The following MARCHF10 variants were observed in gnomAD, a reference collection of about 807,000 sequenced individuals.
MARCHF10 encodes membrane associated ring-CH-type finger 10.
MARCHF10 carries 64 observed loss-of-function variants against 76.2 expected under a neutral mutation model. That is an observed-to-expected ratio of 0.84 (90% CI 0.69 to 1.03). The LOEUF (loss-of-function observed/expected upper bound fraction) is 1.03, where lower values mean the gene tolerates loss of function less well. Among genes scored for constraint, MARCHF10 ranks in the 50% least tolerant of loss-of-function variants. The pLI is 0.00. For missense variants in MARCHF10, 875 were observed against 958.0 expected, an observed-to-expected ratio of 0.91 and a Z score of 1.14; for synonymous variants, 340 against 357.5, an observed-to-expected ratio of 0.95 and a Z score of 0.55.
chr17:62,721,410 CACTT>C (rs2147691187), intron 8 of MARCHF10, among the ~76,000 whole-genome samples: 1 of 151,632 alleles, frequency 6.6e-6, no homozygotes, highest in South Asian at 2.1e-4. Flanking sequence ...GTGTATGTGA[CACTT>C]ACAGGATATG....
At chr17:62,704,123 C>T (rs2089424567) in intron 10 of MARCHF10, among the ~76,000 whole-genome samples, 1 of 151,552 alleles carries the variant, frequency 6.6e-6, no homozygotes, top group South Asian at 2.1e-4. Flanking sequence ...GGGGCCGCAG[C>T]AACCAGGCCG....
rs2091256591 is a variant in MARCHF10 at position 62,736,241 on chromosome 17, C to G, written c.1627G>C (p.Glu543Gln). 6.2e-7 allele frequency: 1 copy of G among 1,614,178 alleles called. No individual in the cohort carries two copies. Among genetic ancestry groups the G allele is most frequent in the African/African-American group, 1.3e-5 (1 of 75,042 alleles). The change falls in exon 6 of 11, where the codon GAA becomes CAA. Residue 543 changes from glutamate to glutamine, a missense_variant. Transcript: ENST00000311269. ...VNSAHEFAVR[E>Q]AEDTTLTSQP... ...CTTGTTAAAGTAGTATCTTCTGCTT[C>G]CCTGACAGCAAATTCGTGTGCACTG...
chr17:62,704,003 C>G (rs2089412205), intron 10 of MARCHF10, among the ~76,000 whole-genome samples: 2 of 152,132 alleles, frequency 1.3e-5, no homozygotes, highest in South Asian at 4.1e-4. Flanking sequence ...GCAGGTTTCC[C>G]CGGACCGGGA....
intron 5 of MARCHF10, among the ~76,000 whole-genome samples, chr17:62,739,135 CT>C (rs1396177451): frequency 7.2e-5 from 11 of 152,016 alleles, no homozygotes; most frequent in Non-Finnish European, 1.6e-4. Flanking sequence ...CCCATCTCTA[CT>C]AAAAATACAA....
In MARCHF10 at chr17:62,711,160, A is replaced by T; in HGVS notation, c.2328+71T>A. On this transcript the variant is annotated intron_variant, in intron 9 of 10. Transcript: ENST00000311269. This position sits in a 1 kb window ranked among gnomAD's most constrained non-coding sequence, Gnocchi z 4.4. ...GACCGTGAGGACCTCAACAGCTTGC[A>T]CATCTAATAAACAGCACTGCAGGGT... is the stretch of plus-strand genomic sequence containing the variant. 1 of 1,257,220 alleles carries T rather than the reference A, an allele frequency of 8.0e-7. No individual in the cohort carries two copies. Among genetic ancestry groups the T allele is most frequent in the Non-Finnish European group, 1.2e-6 (1 of 860,240 alleles). 77.9% of individuals were successfully genotyped at this position (1,257,220 alleles called of 1,614,324 possible).
intron 2 of MARCHF10, among the ~76,000 whole-genome samples, chr17:62,789,221 AT>A (rs1435327997): frequency 6.6e-6 from 1 of 152,170 alleles, no homozygotes; most frequent in African/African-American, 2.4e-5. Flanking sequence ...CACCTTGTGA[AT>A]TTCTCTTTCT....
chr17:62,801,603 C>T, intron 2 of MARCHF10, 43 bp downstream of exon 2: 3 of 1,505,776 alleles, frequency 2.0e-6, no homozygotes, highest in Non-Finnish European at 2.8e-6. Context: ...TCTCTAAATA[C>T]TGCAAGAGAA....
chr17:62,724,249 C>T (rs1680552900), intron 7 of MARCHF10, among the ~76,000 whole-genome samples: 1 of 147,836 alleles, frequency 6.8e-6, no homozygotes, highest in Non-Finnish European at 1.5e-5. Context: ...AAGAAACCTT[C>T]TGTTCTCTGC....
intron 5 of MARCHF10, among the ~76,000 whole-genome samples, chr17:62,741,264 C>A (rs2091494449): frequency 6.6e-6 from 1 of 152,192 alleles, no homozygotes; most frequent in South Asian, 2.1e-4. Context: ...GTTTGACTGT[C>A]AGCGATTACA....
At chr17:62,733,562 G>C (rs1465959367) in intron 6 of MARCHF10, among the ~76,000 whole-genome samples, 2 of 152,080 alleles carry the variant, frequency 1.3e-5, no homozygotes, top group Admixed American at 6.6e-5. Context: ...CAGCCCACCA[G>C]CCCACCAGCC....
At chr17:62,730,006 G>A (rs866611371) in intron 6 of MARCHF10, among the ~76,000 whole-genome samples, 1 of 152,102 alleles carries the variant, frequency 6.6e-6, no homozygotes, top group Non-Finnish European at 1.5e-5. Flanking sequence ...ACATGGTGAA[G>A]CCCCGTCTCT....
chr17:62,782,481 G>A (rs1206980933), intron 3 of MARCHF10, among the ~76,000 whole-genome samples: 1 of 151,076 alleles, frequency 6.6e-6, no homozygotes, highest in African/African-American at 2.4e-5. Context: ...CCAAGTAGCT[G>A]GGACTACAGG....
In MARCHF10 at chr17:62,771,447, G is replaced by A. The variant is rs539508926; in HGVS notation, c.211-11441C>T. 3.3e-5 allele frequency among the ~76,000 whole-genome samples: 5 copies of A among 152,210 alleles called. No individual in the cohort carries two copies. In the South Asian group the frequency reaches 1.0e-3, roughly 32 times the overall value. On this transcript the variant is annotated intron_variant, in intron 3 of 10. Transcript: ENST00000311269. ...ACAAAGCCAGTGGGGGTGAAATGCAGAGCTGTAAGGAGAGCTAGATCTCGC... is the reference window on the plus strand; with the variant it reads ...ACAAAGCCAGTGGGGGTGAAATGCAAAGCTGTAAGGAGAGCTAGATCTCGC...
At chr17:62,759,545 C>T (rs552495940) in intron 4 of MARCHF10, among the ~76,000 whole-genome samples, 64 of 152,168 alleles carry the variant, frequency 4.2e-4, no homozygotes, top group Non-Finnish European at 6.9e-4. Flanking sequence ...GTGGTGCCAT[C>T]TTGGCTTACT....
intron 3 of MARCHF10, among the ~76,000 whole-genome samples, chr17:62,782,492 C>T (rs1041288449): frequency 2.6e-5 from 4 of 151,744 alleles, no homozygotes; most frequent in African/African-American, 7.3e-5. Flanking sequence ...GGACTACAGG[C>T]GCATGCCACC....
intron 8 of MARCHF10, among the ~76,000 whole-genome samples, chr17:62,719,932 A>G (rs2090401506): frequency 6.6e-6 from 1 of 152,128 alleles, no homozygotes; most frequent in Non-Finnish European, 1.5e-5. Context: ...CTCAACTCAA[A>G]GATTCTTTCC....
intron 4 of MARCHF10, among the ~76,000 whole-genome samples, chr17:62,757,113 C>T (rs1417332620): frequency 5.3e-5 from 8 of 152,018 alleles, no homozygotes; most frequent in Non-Finnish European, 1.2e-4. Context: ...GTGAGTCGAG[C>T]CATGTTCCCC....
chr17:62,765,383 C>T (rs902103050), intron 3 of MARCHF10, among the ~76,000 whole-genome samples: 11 of 142,870 alleles, frequency 7.7e-5, no homozygotes, highest in Non-Finnish European at 1.5e-4. Context: ...AAAAAGATGC[C>T]TTTTGGAGTC....
At chr17:62,750,621 C>T (rs1176914034) in intron 4 of MARCHF10, 1 of 152,580 alleles carries the variant, frequency 6.6e-6, no homozygotes, top group Non-Finnish European at 1.5e-5. Flanking sequence ...AATCCAAACT[C>T]AAAAATTGTT....
Sources: gnomAD v4.1 joint callset for allele counts (sites outside exome capture counted in the v4.1 genomes callset) on GRCh38, gnomAD v4.1.1 for gene constraint, Gnocchi (gnomAD v3.1) non-coding constraint, MANE v1.5 for transcripts, NCBI Gene and HGNC (gene_info 2026-07-23, HGNC 2026-07-21) for gene names.